The following USP48 variants were observed in gnomAD, a reference collection of about 807,000 sequenced individuals.
USP48 encodes ubiquitin carboxyl-terminal hydrolase 48.
In USP48, 43 loss-of-function variants were observed where a neutral mutation model predicts 150.7. The ratio of observed to expected loss-of-function variants is 0.29; its 90% confidence interval spans 0.22 to 0.37. The LOEUF is 0.37. USP48 is among the 10% of genes least tolerant of loss of function. The probability of loss-of-function intolerance (pLI) is 1.00; values close to 1 mark genes in which losing one functional copy is unlikely to be tolerated. For synonymous variants in USP48, 396 were observed against 425.9 expected (o/e 0.93, Z 0.86); for missense variants, 813 against 1,249.6 (o/e 0.65, Z 5.27).
chr1:21,699,935 G>A (rs1393109464), intron 22 of USP48, among the ~76,000 whole-genome samples: 1 of 151,066 alleles, frequency 6.6e-6, no homozygotes, highest in African/African-American at 2.4e-5. Context: ...CAGAGATGGG[G>A]ACATGAAAAC....
At chr1:21,771,414 T>C (rs983139224) in intron 1 of USP48, among the ~76,000 whole-genome samples, 8 of 148,388 alleles carry the variant, frequency 5.4e-5, no homozygotes, top group African/African-American at 2.0e-4. Context: ...TAAATTATAA[T>C]TTATAATTAT....
chr1:21,765,528 G>A (rs10799711), intron 1 of USP48, among the ~76,000 whole-genome samples: 121,123 of 151,152 alleles, frequency 0.8, 49,469 homozygotes, highest in Non-Finnish European at 0.88. Flanking sequence ...GAGGCAGAAG[G>A]CTCGCTTGAA....
intron 9 of USP48, among the ~76,000 whole-genome samples, chr1:21,734,995 C>T (rs1435122251): frequency 6.6e-6 from 1 of 152,204 alleles, no homozygotes; most frequent in Admixed American, 6.5e-5. Flanking sequence ...GCAACCAGCT[C>T]ATTTTCCACA....
chr1:21,736,296 G>A (rs2097768859), intron 9 of USP48, 150 bp downstream of exon 9: 3 of 792,280 alleles, frequency 3.8e-6, no homozygotes, highest in African/African-American at 1.8e-5. Flanking sequence ...GCTAATACAA[G>A]ATGTTCAGTG....
chr1:21,724,194 G>C (rs1477304375), intron 11 of USP48, 99 bp from the exon 12 acceptor site: 6 of 1,183,360 alleles, frequency 5.1e-6, no homozygotes, highest in Non-Finnish European at 6.1e-6. Flanking sequence ...ACTCTGTCCA[G>C]AGTTAGCAGA....
chr1:21,696,306 G>T (rs1019349083), intron 22 of USP48, among the ~76,000 whole-genome samples: 14 of 152,160 alleles, frequency 9.2e-5, no homozygotes, highest in African/African-American at 3.4e-4. Flanking sequence ...GGGCATGGTG[G>T]CTCATGCCTG....
At chr1:21,776,642 C>G (rs899704366) in intron 1 of USP48, among the ~76,000 whole-genome samples, 1 of 138,578 alleles carries the variant, frequency 7.2e-6, no homozygotes, top group Non-Finnish European at 1.6e-5. Context: ...AGAAAGAGAG[C>G]TTTTTGGATA....
At position 21,701,586 on chromosome 1, in the gene USP48, G is replaced by A; in HGVS notation, c.2639C>T (p.Ala880Val). Residue 880 changes from alanine (A) to valine (V), a missense_variant, in exon 22 of 27, where the codon GCT becomes GTT. Physicochemically the swap from Ala to Val is moderately conservative, Grantham distance 64. Coordinates refer to ENST00000308271, the MANE Select transcript of USP48 (RefSeq NM_032236.8). Reference protein sequence around the residue: ...VDNKKVMKDSAPELNVSSSET... With the variant: ...VDNKKVMKDSVPELNVSSSET... ...AGAACTACTCACATTCAGTTCCGGA[G>A]CCGAATCCTTCATCACCTGAATGTG... 2 of 1,613,790 alleles carry A rather than the reference G, an allele frequency of 1.2e-6. No homozygotes were observed. The highest frequency in any genetic ancestry group is 1.7e-6 in the Non-Finnish European group (2 of 1,179,800).
chr1:21,773,660 G>A (rs912841697), intron 1 of USP48, among the ~76,000 whole-genome samples: 1 of 152,216 alleles, frequency 6.6e-6, no homozygotes, highest in Non-Finnish European at 1.5e-5. Context: ...TAAATGGTAT[G>A]AACTTTTGAC....
chr1:21,715,489 G>A (rs2097701765), intron 14 of USP48, 32 bp from the exon 15 acceptor site: 1 of 1,393,760 alleles, frequency 7.2e-7, no homozygotes, highest in African/African-American at 1.4e-5. Flanking sequence ...GATATCTGCT[G>A]TGGTTATTGT....
intron 14 of USP48, among the ~76,000 whole-genome samples, chr1:21,718,873 T>G (rs569877555): frequency 2.6e-5 from 4 of 152,166 alleles, no homozygotes; most frequent in Non-Finnish European, 5.9e-5. Context: ...TCACATGTTA[T>G]CATTAAAATT....
At chr1:21,699,498 T>TA (rs2097648582) in intron 22 of USP48, among the ~76,000 whole-genome samples, 1 of 149,502 alleles carries the variant, frequency 6.7e-6, no homozygotes, top group African/African-American at 2.5e-5. Flanking sequence ...GTGCCTGGCC[T>TA]AATTTTTGTA....
intron 6 of USP48, 101 bp from the exon 7 acceptor site, chr1:21,748,372 C>G: frequency 9.1e-7 from 1 of 1,099,528 alleles, no homozygotes. Context: ...GTTAATAGCT[C>G]TCACTTAAGC....
At chr1:21,751,696 G>A (rs535559891) in intron 5 of USP48, 81 bp from the exon 6 acceptor site, 16 of 1,034,394 alleles carry the variant, frequency 1.5e-5, no homozygotes, top group Middle Eastern at 2.4e-4. Context: ...CTAGAAAGAT[G>A]GAAAAAAGCA....
rs376421524 is a variant in USP48, at chr1:21,742,951, T to A, written c.991+4116A>T. Among the ~76,000 whole-genome samples, 98 of 152,338 alleles carry A rather than the reference T, an allele frequency of 6.4e-4. 3 individuals are homozygous for A. In the South Asian group the frequency reaches 0.018, roughly 28 times the overall value. ...GGTAGAGAGATCAGCCTGAACAATA[T>A]TCCAACATGGTCAGTAATGGATTAT... On this transcript the variant is annotated intron_variant, in intron 8 of 26. Transcript: ENST00000308271.
chr1:21,745,172 C>A (rs2152570886), intron 8 of USP48, among the ~76,000 whole-genome samples: 1 of 152,080 alleles, frequency 6.6e-6, no homozygotes, highest in African/African-American at 2.4e-5. Context: ...AGTCTTCTAC[C>A]TATATAAGGT....
At chr1:21,777,922 T>C (rs1055034413) in intron 1 of USP48, among the ~76,000 whole-genome samples, 79 of 150,458 alleles carry the variant, frequency 5.3e-4, no homozygotes, top group Non-Finnish European at 1.1e-3. Context: ...GGTCAGGAGT[T>C]TGAGACCAGC....
intron 8 of USP48, among the ~76,000 whole-genome samples, chr1:21,744,985 T>C (rs905454430): frequency 6.6e-6 from 1 of 152,060 alleles, no homozygotes; most frequent in Non-Finnish European, 1.5e-5. Flanking sequence ...CTTTTGAGCT[T>C]TGCATGGATA....
chr1:21,732,776 T>C (rs1318717020), intron 9 of USP48: 2 of 220,284 alleles, frequency 9.1e-6, no homozygotes, highest in African/African-American at 2.3e-5. Context: ...TCAGTTATCC[T>C]TGAAAAGGAT....
Sources: allele counts gnomAD v4.1 joint callset (sites outside exome capture counted in the v4.1 genomes callset), GRCh38; gene constraint gnomAD v4.1.1; transcripts MANE v1.5; gene names NCBI Gene and HGNC (gene_info 2026-07-23, HGNC 2026-07-21).